Variants in HCRTR2 observed in about 807,000 individuals in gnomAD.
HCRTR2 encodes orexin receptor type 2.
In HCRTR2, 22 loss-of-function variants were observed where a neutral mutation model predicts 49.0. The observed-to-expected ratio is 0.45, with a 90% CI of 0.32 to 0.64. The LOEUF (loss-of-function observed/expected upper bound fraction) is 0.64. Ranked by LOEUF, HCRTR2 falls within the 30% of genes least tolerant of loss-of-function variation. The pLI, the probability that HCRTR2 is intolerant of heterozygous loss-of-function variation, is 0.04. For synonymous variants in HCRTR2, 236 were observed against 205.3 expected (o/e 1.15, Z -1.28); for missense variants, 491 against 559.4 (o/e 0.88, Z 1.23).
In HCRTR2 at chr6:55,148,717, G is replaced by A. The variant is rs115162000; in HGVS notation, c.-377-25494G>A. ...ATGCTTCCAATTAAATCTCTATAAGGCTGAGATTGTGAACATCAGATCATG... is the reference window on the plus strand; with the variant it reads ...ATGCTTCCAATTAAATCTCTATAAGACTGAGATTGTGAACATCAGATCATG... On this transcript the variant is annotated intron_variant, in intron 1 of 7. Coordinates refer to the HCRTR2 transcript ENST00000615358. 6.5e-3 allele frequency among the ~76,000 whole-genome samples: 993 copies of A among 152,176 alleles called. 9 individuals are homozygous for A. Among genetic ancestry groups the A allele is most frequent in the African/African-American group, 0.022 (934 of 41,526 alleles).
At chr6:55,122,807 G>A (rs973435801) in intron 1 of HCRTR2, among the ~76,000 whole-genome samples, 45 of 152,020 alleles carry the variant, frequency 3.0e-4, no homozygotes, top group Non-Finnish European at 1.0e-4. Flanking sequence ...ATGAGTTCAT[G>A]TCCTTTGTAG....
intron 1 of HCRTR2, among the ~76,000 whole-genome samples, chr6:55,184,669 A>G (rs928438478): frequency 1.3e-5 from 2 of 152,220 alleles, no homozygotes. Context: ...GCATGGTAAC[A>G]CACTTCACAA....
intron 5 of HCRTR2, 37 bp from the exon 6 acceptor site, chr6:55,280,286 T>C (rs750585608): frequency 3.7e-6 from 5 of 1,365,730 alleles, no homozygotes; most frequent in Non-Finnish European, 5.2e-6. Context: ...AATTTAATTA[T>C]TTAAAAGACA....
At chr6:55,112,283 G>A (rs185240251) in intron 1 of HCRTR2, among the ~76,000 whole-genome samples, 1 of 152,032 alleles carries the variant, frequency 6.6e-6, no homozygotes, top group Admixed American at 6.6e-5. Flanking sequence ...AGTACCATAA[G>A]TTTTAGCCGG....
intron 4 of HCRTR2, among the ~76,000 whole-genome samples, chr6:55,275,556 A>AT (rs5876434): frequency 8.8e-4 from 130 of 148,116 alleles, no homozygotes; most frequent in African/African-American, 3.0e-3. Context: ...GCATCACTAC[A>AT]TTTTTTTTTT....
intron 3 of HCRTR2, among the ~76,000 whole-genome samples, chr6:55,259,149 A>G (rs150258267): frequency 6.6e-6 from 1 of 152,064 alleles, no homozygotes; most frequent in Non-Finnish European, 1.5e-5. Context: ...ACCCTTGGTC[A>G]ATTGTTCTGG....
chr6:55,125,841 C>G (rs771154954), intron 1 of HCRTR2, among the ~76,000 whole-genome samples: 5 of 151,552 alleles, frequency 3.3e-5, no homozygotes, highest in Non-Finnish European at 5.9e-5. Context: ...CAAATCTTGT[C>G]TTCTCACTTT....
intron 1 of HCRTR2, among the ~76,000 whole-genome samples, chr6:55,181,203 T>A (rs1765128441): frequency 6.6e-6 from 1 of 152,128 alleles, no homozygotes. Flanking sequence ...AGACATGAAA[T>A]GACCTTTAGA....
chr6:55,126,827 C>G (rs767266180), intron 1 of HCRTR2, among the ~76,000 whole-genome samples: 3 of 152,188 alleles, frequency 2.0e-5, no homozygotes, highest in Non-Finnish European at 2.9e-5. Context: ...CAGTGGGCTC[C>G]AGCCAGTTTG....
chr6:55,252,201 A>G lies in HCRTR2; in HGVS notation c.403-2935A>G, dbSNP rs536348053. Among the ~76,000 whole-genome samples, 5 of 152,246 alleles carry G rather than the reference A, an allele frequency of 3.3e-5. No individual in the cohort carries two copies. In the East Asian group the frequency reaches 7.7e-4, roughly 24 times the overall value. On this transcript the variant is annotated intron_variant, in intron 2 of 6. Transcript: ENST00000370862. ...ATTGGTTCATTCTACTGTTAGATAC[A>G]TCACACTAGCATATTCCTCCCTTTT... is the stretch of plus-strand genomic sequence containing the variant.
chr6:55,241,861 A>ATTTTTTTTATTTTTTTTTTTTTT (rs1766339007), intron 1 of HCRTR2, among the ~76,000 whole-genome samples: 1 of 92,524 alleles, frequency 1.1e-5, no homozygotes, highest in Non-Finnish European at 2.1e-5. Flanking sequence ...ATGGCAACTA[A>ATTTTTTTTATTTTTTTTTTTTTT]TTTTTTTTTT....
chr6:55,158,238 G>A (rs1007990458), intron 1 of HCRTR2, among the ~76,000 whole-genome samples: 2 of 152,206 alleles, frequency 1.3e-5, no homozygotes, highest in South Asian at 4.1e-4. Flanking sequence ...AACGGAATCT[G>A]TGAGGGACTG....
intron 2 of HCRTR2, among the ~76,000 whole-genome samples, chr6:55,251,399 T>C (rs971602121): frequency 3.3e-5 from 5 of 152,158 alleles, no homozygotes; most frequent in Admixed American, 6.6e-5. Flanking sequence ...CTCTTTTGTA[T>C]CTTTAATAAT....
rs191596468 is a variant in HCRTR2 at position 55,163,300 on chromosome 6, A to G, written c.-377-10911A>G. On this transcript the variant is annotated intron_variant, in intron 1 of 7. Transcript: ENST00000615358. ...CCTTAAATTTCTTATGGAACTAAAAAAGAGCCCATATAGCCAAAACAATCC... is the reference window on the plus strand; with the variant it reads ...CCTTAAATTTCTTATGGAACTAAAAGAGAGCCCATATAGCCAAAACAATCC... Among the ~76,000 whole-genome samples the G allele has an allele frequency of 2.9e-3, 443 of 152,256 alleles. 4 individuals are homozygous for G. Among genetic ancestry groups the G allele is most frequent in the African/African-American group, 0.01 (421 of 41,546 alleles).
chr6:55,154,361 T>G (rs997505394), intron 1 of HCRTR2, among the ~76,000 whole-genome samples: 5 of 151,884 alleles, frequency 3.3e-5, no homozygotes, highest in Non-Finnish European at 5.9e-5. Context: ...TGTATACATA[T>G]GCAAAAATCC....
intron 1 of HCRTR2, among the ~76,000 whole-genome samples, chr6:55,111,026 G>A (rs965211570): frequency 2.6e-5 from 4 of 151,970 alleles, no homozygotes; most frequent in Admixed American, 2.0e-4. Flanking sequence ...TCAAGTACTC[G>A]TTCAGACCAG....
At chr6:55,174,868 T>G in intron 1 of HCRTR2, 58 bp downstream of exon 1, 1 of 1,418,788 alleles carries the variant, frequency 7.0e-7, no homozygotes, top group Non-Finnish European at 1.0e-6. Context: ...CGCCCCGGGC[T>G]GAGAAGGCTC....
chr6:55,188,265 G>A (rs991869705), intron 1 of HCRTR2, among the ~76,000 whole-genome samples: 5 of 152,206 alleles, frequency 3.3e-5, no homozygotes, highest in African/African-American at 1.2e-4. Context: ...ATGCCTCAGT[G>A]ATCTGTAACT....
chr6:55,175,814 T>C (rs1023907903), intron 1 of HCRTR2, among the ~76,000 whole-genome samples: 3 of 152,078 alleles, frequency 2.0e-5, no homozygotes, highest in Non-Finnish European at 4.4e-5. Flanking sequence ...GAGGGATAAC[T>C]TGAAATAAAT....
Sources: allele counts gnomAD v4.1 joint callset (sites outside exome capture counted in the v4.1 genomes callset), GRCh38; gene constraint gnomAD v4.1.1; transcripts MANE v1.5; gene names NCBI Gene and HGNC (gene_info 2026-07-23, HGNC 2026-07-21).